The following SRD5A2 variants were observed in gnomAD, a reference collection of about 807,000 sequenced individuals.
SRD5A2 encodes steroid 5 alpha-reductase 2.
SRD5A2 carries 30 observed loss-of-function variants against 27.4 expected under a neutral mutation model. The ratio of observed to expected loss-of-function variants is 1.10; its 90% CI spans 0.82 to 1.49. The LOEUF (loss-of-function observed/expected upper bound fraction) is 1.49, where lower values mean the gene tolerates loss of function less well. Among genes scored for constraint, SRD5A2 ranks in the 40% most tolerant of loss-of-function variants. SRD5A2 has a pLI of 0.00. For synonymous variants in SRD5A2, 141 were observed against 133.6 expected, an observed-to-expected ratio of 1.06 and a Z score of -0.38; for missense variants, 348 against 323.4, an observed-to-expected ratio of 1.08 and a Z score of -0.58.
At chr2:31,590,554 T>C in the SRD5A2 span, among the ~76,000 whole-genome samples, 1 of 151,956 alleles carries the variant, frequency 6.6e-6, no homozygotes, top group Non-Finnish European at 1.5e-5. Flanking sequence ...ACCAATGACT[T>C]TCTTCACAGA....
the SRD5A2 span, among the ~76,000 whole-genome samples, chr2:31,626,715 C>T: frequency 5.3e-5 from 8 of 152,206 alleles, 1 homozygote; most frequent in South Asian, 1.7e-3. Context: ...CCAACTTGAT[C>T]GTGGTGGATA....
chr2:31,657,529 T>C, the SRD5A2 span, among the ~76,000 whole-genome samples: 1 of 152,150 alleles, frequency 6.6e-6, no homozygotes, highest in African/African-American at 2.4e-5. Context: ...GCATTGTGAG[T>C]ACAGGTGTGA....
chr2:31,634,208 G>C, the SRD5A2 span, among the ~76,000 whole-genome samples: 1 of 151,890 alleles, frequency 6.6e-6, no homozygotes, highest in Non-Finnish European at 1.5e-5. Flanking sequence ...TGATAAAAGA[G>C]ATGAACAATT....
At chr2:31,531,549 A>G in intron 2 of SRD5A2, 77 bp from the exon 3 acceptor site, 2 of 967,868 alleles carry the variant, frequency 2.1e-6, no homozygotes, top group Non-Finnish European at 3.2e-6. Flanking sequence ...AAACTAAGCT[A>G]AAATGAAAGG....
At chr2:31,530,000 T>C (rs1665871127) in intron 3 of SRD5A2, among the ~76,000 whole-genome samples, 1 of 152,182 alleles carries the variant, frequency 6.6e-6, no homozygotes, top group South Asian at 2.1e-4. Flanking sequence ...AAGCAGAGAG[T>C]AGGAGCTGCA....
At chr2:31,532,877 C>T (rs1665942585) in intron 2 of SRD5A2, among the ~76,000 whole-genome samples, 1 of 152,026 alleles carries the variant, frequency 6.6e-6, no homozygotes, top group African/African-American at 2.4e-5. Context: ...GGGAAAGTCC[C>T]TTTGAGGAGG....
intron 1 of SRD5A2, among the ~76,000 whole-genome samples, chr2:31,545,925 A>G (rs935637157): frequency 1.1e-4 from 16 of 152,336 alleles, no homozygotes; most frequent in African/African-American, 3.8e-4. Context: ...CTTACAATAA[A>G]CAATATGAAA....
chr2:31,654,334 G>A, the SRD5A2 span, among the ~76,000 whole-genome samples: 230 of 152,286 alleles, frequency 1.5e-3, 1 homozygote, highest in African/African-American at 5.4e-3. Context: ...TCACCCTGCT[G>A]TGTAAAACCT....
chr2:31,659,961 T>G, the SRD5A2 span, among the ~76,000 whole-genome samples: 1 of 152,124 alleles, frequency 6.6e-6, no homozygotes, highest in African/African-American at 2.4e-5. Flanking sequence ...AGTTTCTACC[T>G]CTATTTTTTC....
intron 1 of SRD5A2, among the ~76,000 whole-genome samples, chr2:31,558,106 G>A (rs1270384990): frequency 6.6e-6 from 1 of 152,184 alleles, no homozygotes; most frequent in African/African-American, 2.4e-5. Context: ...ATAAAAATCG[G>A]GGGGAGTTTC....
At chr2:31,562,889 T>C (rs987808469) in intron 1 of SRD5A2, among the ~76,000 whole-genome samples, 2 of 152,138 alleles carry the variant, frequency 1.3e-5, no homozygotes, top group Non-Finnish European at 2.9e-5. Flanking sequence ...CATTCAAAGA[T>C]TGATCTACCT....
chr2:31,608,419 A>T, the SRD5A2 span, among the ~76,000 whole-genome samples: 5 of 151,934 alleles, frequency 3.3e-5, no homozygotes, highest in East Asian at 9.6e-4. Context: ...AATAATACAA[A>T]ACGGGGGCAG....
At chr2:31,551,694 T>A (rs1009514693) in intron 1 of SRD5A2, among the ~76,000 whole-genome samples, 1 of 152,288 alleles carries the variant, frequency 6.6e-6, no homozygotes, top group East Asian at 1.9e-4. Flanking sequence ...AGTAGAACTG[T>A]TGAATTTCAG....
chr2:31,581,536 G>A (rs1234372062), upstream of SRD5A2, among the ~76,000 whole-genome samples: 1 of 152,092 alleles, frequency 6.6e-6, no homozygotes, highest in Non-Finnish European at 1.5e-5. Context: ...ACACGCCCCC[G>A]GCAGGTACCA....
the SRD5A2 span, among the ~76,000 whole-genome samples, chr2:31,634,867 A>G: frequency 1.3e-5 from 2 of 152,116 alleles, no homozygotes; most frequent in Non-Finnish European, 2.9e-5. Context: ...ACAGGATTTC[A>G]TTCTTTTTTA....
chr2:31,556,399 C>G (rs1304214414), intron 1 of SRD5A2, among the ~76,000 whole-genome samples: 1 of 152,004 alleles, frequency 6.6e-6, no homozygotes, highest in Non-Finnish European at 1.5e-5. Flanking sequence ...ATGAATAGTA[C>G]CTTATGATAG....
At chr2:31,623,074 T>A in the SRD5A2 span, among the ~76,000 whole-genome samples, 1 of 152,150 alleles carries the variant, frequency 6.6e-6, no homozygotes, top group Non-Finnish European at 1.5e-5. Context: ...AACTTCTGAT[T>A]GCCGGCCACT....
At chr2:31,586,503 A>C in the SRD5A2 span, among the ~76,000 whole-genome samples, 94,298 of 152,036 alleles carry the variant, frequency 0.62, 29,596 homozygotes, top group Middle Eastern at 0.69. Context: ...TGGTGTCCTC[A>C]GGGGTGCTGG....
At chr2:31,557,985 G>C (rs1349502366) in intron 1 of SRD5A2, among the ~76,000 whole-genome samples, 1 of 152,186 alleles carries the variant, frequency 6.6e-6, no homozygotes, top group African/African-American at 2.4e-5. Context: ...AAGCACTTTA[G>C]AAACTAGGCT....
Sources: gnomAD v4.1 joint callset for allele counts (sites outside exome capture counted in the v4.1 genomes callset) on GRCh38, gnomAD v4.1.1 for gene constraint, MANE v1.5 for transcripts, NCBI Gene and HGNC (gene_info 2026-07-23, HGNC 2026-07-21) for gene names.